AGFG1: variants seen among roughly 807,000 people sequenced by gnomAD.
AGFG1 encodes ArfGAP with FG repeats 1, also known as arf-GAP domain and FG repeat-containing protein 1.
A neutral mutation model predicts 60.6 loss-of-function variants in AGFG1; 10 were observed. That is an observed-to-expected ratio of 0.16 (90% CI 0.10 to 0.28). The LOEUF (loss-of-function observed/expected upper bound fraction) is 0.28, where lower values mean the gene tolerates loss of function less well. Among genes scored for constraint, AGFG1 ranks in the 10% least tolerant of loss-of-function variants. The pLI is 1.00. For synonymous variants in AGFG1, 247 were observed against 242.9 expected, an observed-to-expected ratio of 1.02 and a Z score of -0.16; for missense variants, 537 against 676.5, an observed-to-expected ratio of 0.79 and a Z score of 2.29.
rs781247257 is a variant in AGFG1, at chr2:227,523,896, C to G, written c.511C>G (p.Leu171Val). 1.9e-6 allele frequency: 3 copies of G among 1,613,824 alleles called. No individual in the cohort carries two copies. Among genetic ancestry groups the G allele is most frequent in the Admixed American group, 3.3e-5 (2 of 59,982 alleles). ...KSLLGDSAPT[L>V]HLNKGTPSQS... ...TCTTTTAGGGGATTCTGCACCAACA[C>G]TGCACTTAAATAAGGGCACACCTAG... Residue 171 changes from leucine to valine, a missense_variant, in exon 4 of 13, where the codon CTG (leucine) becomes GTG (valine). Physicochemically the swap from Leu to Val is conservative, Grantham distance 32. This residue lies in a region of AGFG1 where 102 missense variants were observed against 82.9 expected (regional missense o/e 1.23). Coordinates refer to ENST00000310078, the MANE Select transcript of AGFG1 (RefSeq NM_004504.5).
chr2:227,544,596 C>A (rs184475666), intron 10 of AGFG1, among the ~76,000 whole-genome samples: 9 of 152,240 alleles, frequency 5.9e-5, no homozygotes, highest in Admixed American at 5.9e-4. Flanking sequence ...GTGACTGGTA[C>A]CGGTTGTTCT....
intron 1 of AGFG1, among the ~76,000 whole-genome samples, chr2:227,476,207 A>G (rs1332709510): frequency 6.6e-6 from 1 of 152,200 alleles, no homozygotes; most frequent in East Asian, 1.9e-4. Flanking sequence ...TGATGAAGGC[A>G]TCCTAACTGA....
chr2:227,494,309 A>C (rs1690911932), intron 2 of AGFG1, among the ~76,000 whole-genome samples: 1 of 152,202 alleles, frequency 6.6e-6, no homozygotes, highest in South Asian at 2.1e-4. Context: ...TCACTTGCAT[A>C]GGGAATAGTA....
intron 1 of AGFG1, among the ~76,000 whole-genome samples, chr2:227,472,894 C>T (rs1187952936): frequency 1.3e-5 from 2 of 151,506 alleles, no homozygotes; most frequent in African/African-American, 2.4e-5. Context: ...GGCGAGCGTC[C>T]CTGGTCTCCG....
At chr2:227,510,054 T>A (rs1691449334) in intron 2 of AGFG1, among the ~76,000 whole-genome samples, 2 of 152,200 alleles carry the variant, frequency 1.3e-5, no homozygotes, top group Non-Finnish European at 2.9e-5. Flanking sequence ...CAGATGATAA[T>A]CTTCCTTGAA....
chr2:227,510,454 C>T (rs941603573), intron 2 of AGFG1, among the ~76,000 whole-genome samples: 2 of 151,878 alleles, frequency 1.3e-5, no homozygotes, highest in African/African-American at 4.8e-5. Context: ...AGTAAACAAA[C>T]AAAAAGTAGT....
intron 10 of AGFG1, among the ~76,000 whole-genome samples, chr2:227,543,298 A>G (rs2106233942): frequency 6.6e-6 from 1 of 152,154 alleles, no homozygotes; most frequent in East Asian, 1.9e-4. Flanking sequence ...ATTTAGTGCT[A>G]TAAATTTTCC....
At chr2:227,512,393 A>C (rs768466491) in intron 2 of AGFG1, among the ~76,000 whole-genome samples, 2 of 152,220 alleles carry the variant, frequency 1.3e-5, no homozygotes, top group Non-Finnish European at 2.9e-5. Flanking sequence ...TTGTTTAGAT[A>C]TGTGTCAGTC....
Position 227,533,533 on chromosome 2 carries a change from G to A in AGFG1, c.815-16G>A, listed in dbSNP as rs1431942882. The A allele has an allele frequency of 6.2e-7, 1 of 1,611,482 alleles. No individual in the cohort carries two copies. Among genetic ancestry groups the A allele is most frequent in the Non-Finnish European group, 8.5e-7 (1 of 1,177,942 alleles). ...AAAGCTTAGAAATTTCAAGTGCTCT[G>A]TTTATTCTGTTACAGGTGGAAGTGC... On this transcript the variant is annotated splice_polypyrimidine_tract_variant and intron_variant, in intron 6 of 12. Coordinates refer to ENST00000310078, the MANE Select transcript of AGFG1 (RefSeq NM_004504.5).
At chr2:227,526,291 T>G (rs2106211842) in intron 5 of AGFG1, among the ~76,000 whole-genome samples, 1 of 152,168 alleles carries the variant, frequency 6.6e-6, no homozygotes, top group East Asian at 1.9e-4. Context: ...CCACCTGGGT[T>G]TAAGCTATTC....
chr2:227,516,568 C>T (rs1691658182), intron 2 of AGFG1, among the ~76,000 whole-genome samples: 1 of 152,114 alleles, frequency 6.6e-6, no homozygotes, highest in Non-Finnish European at 1.5e-5. Context: ...TGTGACCTTC[C>T]AGAGAGCAGG....
Position 227,534,870 on chromosome 2 carries a change from G to C in AGFG1, c.1050G>C (p.Gly350=). The change falls in exon 8 of 13, where the codon GGG becomes GGC. Residue 350 remains glycine (G), a synonymous_variant. Coordinates refer to ENST00000310078, the MANE Select transcript of AGFG1 (RefSeq NM_004504.5). ...GTGGTGATCAGGGAAGTGGCTTTGG[G>C]ACCACAGGTAAAGCTCCTGTTGGTT... ...GQGGDQGSGF[G]TTGKAPVGSV... 1 of 1,613,714 alleles carries C rather than the reference G, an allele frequency of 6.2e-7. No individual in the cohort carries two copies. The highest frequency in any genetic ancestry group is 1.7e-5 in the Admixed American group (1 of 59,960).
chr2:227,520,328 T>C (rs1329234812), intron 3 of AGFG1, among the ~76,000 whole-genome samples: 1 of 152,196 alleles, frequency 6.6e-6, no homozygotes, highest in African/African-American at 2.4e-5. Flanking sequence ...TCATTCCCTA[T>C]CTCTGTTAGC....
Position 227,554,297 on chromosome 2 carries a change from A to G in AGFG1, c.1630-139A>G, listed in dbSNP as rs1692905634. The G allele has an allele frequency of 5.7e-6, 4 of 704,394 alleles. 1 individual carries two copies. Among genetic ancestry groups the G allele is most frequent in the South Asian group, 4.0e-5 (2 of 50,506 alleles). The allele number at this position is 704,394 out of a possible 1,614,324, so 43.6% of individuals were successfully genotyped here. On this transcript the variant is annotated intron_variant, in intron 12 of 12. Coordinates refer to ENST00000310078, the MANE Select transcript of AGFG1 (RefSeq NM_004504.5). ...TTGATATAGCTTATTGCCAATAACA[A>G]ATATTATTGCCAATAATTTAAAAAA...
intron 1 of AGFG1, among the ~76,000 whole-genome samples, chr2:227,483,897 C>T (rs1203008062): frequency 2.0e-5 from 3 of 151,920 alleles, no homozygotes; most frequent in Non-Finnish European, 2.9e-5. Context: ...TGATTTTTCC[C>T]TTTTACTTGT....
chr2:227,518,470 G>T (rs1404069538), intron 2 of AGFG1, among the ~76,000 whole-genome samples: 1 of 149,514 alleles, frequency 6.7e-6, no homozygotes, highest in Non-Finnish European at 1.5e-5. Flanking sequence ...TTTGTTTTCG[G>T]CTTTTCTAGT....
intron 7 of AGFG1, 57 bp from the exon 8 acceptor site, chr2:227,534,788 A>G (rs1478130412): frequency 6.3e-7 from 1 of 1,580,882 alleles, no homozygotes; most frequent in Non-Finnish European, 8.6e-7. Flanking sequence ...AATGTGGTTG[A>G]TAAGTTGAAA....
At chr2:227,480,466 C>T (rs1222988127) in intron 1 of AGFG1, among the ~76,000 whole-genome samples, 2 of 152,012 alleles carry the variant, frequency 1.3e-5, no homozygotes, top group African/African-American at 4.8e-5. Flanking sequence ...GTGGCGCCAA[C>T]TCAGCTCACT....
intron 2 of AGFG1, among the ~76,000 whole-genome samples, chr2:227,506,312 T>C (rs1691310391): frequency 6.6e-6 from 1 of 152,164 alleles, no homozygotes; most frequent in Admixed American, 6.5e-5. Flanking sequence ...TTAATTGAAC[T>C]GTTTGAAGTC....
Sources: allele counts gnomAD v4.1 joint callset (sites outside exome capture counted in the v4.1 genomes callset), GRCh38; gene constraint gnomAD v4.1.1; regional missense constraint gnomAD v4.1.1; transcripts MANE v1.5; gene names NCBI Gene and HGNC (gene_info 2026-07-23, HGNC 2026-07-21).